The following TXNRD1 variants were observed in gnomAD, a reference collection of about 807,000 sequenced individuals.
TXNRD1 encodes the protein thioredoxin reductase 1, cytoplasmic.
In TXNRD1, 57 loss-of-function variants were observed where a neutral mutation model predicts 80.3. The ratio of observed to expected loss-of-function variants is 0.71; its 90% CI spans 0.57 to 0.89. TXNRD1 has a LOEUF of 0.89. Ranked by LOEUF, TXNRD1 falls within the 40% of genes least tolerant of loss-of-function variation. TXNRD1 has a pLI of 0.00. For synonymous variants in TXNRD1, 291 were observed against 285.2 expected, an observed-to-expected ratio of 1.02 and a Z score of -0.20; for missense variants, 730 against 803.0, an observed-to-expected ratio of 0.91 and a Z score of 1.10.
chr12:104,337,993 C>T (rs2036195886), intron 15 of TXNRD1, among the ~76,000 whole-genome samples: 1 of 143,126 alleles, frequency 7.0e-6, no homozygotes. Flanking sequence ...GACAGAGTCT[C>T]CCTATGTTGC....
chr12:104,226,015 CA>C (rs1451409205), intron 1 of TXNRD1, among the ~76,000 whole-genome samples: 1 of 152,054 alleles, frequency 6.6e-6, no homozygotes, highest in Non-Finnish European at 1.5e-5. Context: ...GCCTGACCAA[CA>C]TGGAGAAACC....
intron 3 of TXNRD1, chr12:104,283,003 C>CT (rs1223862280): frequency 6.6e-6 from 1 of 152,022 alleles, no homozygotes; most frequent in Non-Finnish European, 1.5e-5. Flanking sequence ...GGTCGGGAGG[C>CT]TTTTTTAAAA....
At chr12:104,328,933 G>C (rs543721915) in intron 13 of TXNRD1, among the ~76,000 whole-genome samples, 1 of 152,106 alleles carries the variant, frequency 6.6e-6, no homozygotes, top group East Asian at 1.9e-4. Context: ...TTTTTAAAAA[G>C]GTTTCCAGAA....
At chr12:104,345,970 A>T in intron 16 of TXNRD1, 1 of 1,288,882 alleles carries the variant, frequency 7.8e-7, no homozygotes, top group Non-Finnish European at 1.0e-6. Flanking sequence ...TTTTATAAAA[A>T]TTCTAAAACA....
intron 4 of TXNRD1, among the ~76,000 whole-genome samples, chr12:104,299,219 G>T (rs2034532748): frequency 6.6e-6 from 1 of 152,112 alleles, no homozygotes; most frequent in South Asian, 2.1e-4. Context: ...AGGGTCAACT[G>T]CAGTAGTATT....
chr12:104,252,662 T>TATATATATATATATATATATATATATATA (rs756948232), intron 2 of TXNRD1, among the ~76,000 whole-genome samples: 4 of 45,820 alleles, frequency 8.7e-5, no homozygotes, highest in African/African-American at 2.6e-4. Context: ...TTATTATTTT[T>TATATATATATATATATATATATATATATA]TATATATATA....
intron 15 of TXNRD1, among the ~76,000 whole-genome samples, chr12:104,334,921 A>G (rs749045903): frequency 7.9e-5 from 12 of 152,308 alleles, no homozygotes; most frequent in Non-Finnish European, 1.5e-4. Context: ...AAGAGGAACA[A>G]TAAAGTCATC....
chr12:104,279,487 G>A (rs886610403), intron 3 of TXNRD1, among the ~76,000 whole-genome samples: 1 of 152,162 alleles, frequency 6.6e-6, no homozygotes, highest in African/African-American at 2.4e-5. Context: ...TGGGGATTGA[G>A]GAGAAGTTTG....
intron 3 of TXNRD1, among the ~76,000 whole-genome samples, chr12:104,267,865 T>C (rs1382928753): frequency 2.0e-5 from 3 of 149,642 alleles, no homozygotes; most frequent in Non-Finnish European, 4.4e-5. Flanking sequence ...CTTTTTTTTT[T>C]TGAGACTGAG....
intron 14 of TXNRD1, among the ~76,000 whole-genome samples, chr12:104,331,887 C>G (rs1222552632): frequency 6.6e-6 from 1 of 151,868 alleles, no homozygotes; most frequent in Non-Finnish European, 1.5e-5. Context: ...CCCCTAAATA[C>G]TTTATTGTGT....
intron 12 of TXNRD1, among the ~76,000 whole-genome samples, chr12:104,327,033 C>G (rs1174131426): frequency 6.6e-6 from 1 of 151,664 alleles, no homozygotes; most frequent in African/African-American, 2.4e-5. Flanking sequence ...ATCTTTTGGC[C>G]TCTAGTGATC....
In TXNRD1 at chr12:104,265,573, G is replaced by T. The variant is rs1021175719; in HGVS notation, c.304+7494G>T. On this transcript the variant is annotated intron_variant, in intron 3 of 16. Transcript: ENST00000525566. ...CTGGCTGCGCTATGACTCCCGGAGC[G>T]GCACCCACAACATGTACCGGGAATA... The T allele has an allele frequency of 1.8e-5, 29 of 1,608,084 alleles. No individual in the cohort carries two copies. The East Asian group carries it at 6.2e-4, about 35-fold the overall frequency.
chr12:104,241,188 C>T (rs773998928), intron 1 of TXNRD1, among the ~76,000 whole-genome samples: 2 of 150,052 alleles, frequency 1.3e-5, no homozygotes, highest in Non-Finnish European at 3.0e-5. Flanking sequence ...TACGGGCTCA[C>T]GCCAACATGC....
intron 3 of TXNRD1, among the ~76,000 whole-genome samples, chr12:104,281,920 C>T (rs2135735923): frequency 6.6e-6 from 1 of 152,262 alleles, no homozygotes; most frequent in South Asian, 2.1e-4. Flanking sequence ...TTTTCTCACT[C>T]ATTAGGCTTT....
intron 11 of TXNRD1, 25 bp downstream of exon 11, chr12:104,325,454 C>G (rs773346125): frequency 1.3e-6 from 2 of 1,540,790 alleles, no homozygotes; most frequent in Admixed American, 1.7e-5. Flanking sequence ...CAGGTTAATA[C>G]TTTATCAGAA....
intron 3 of TXNRD1, among the ~76,000 whole-genome samples, chr12:104,272,197 A>G: frequency 6.6e-6 from 1 of 152,222 alleles, no homozygotes; most frequent in South Asian, 2.1e-4. Context: ...AATGGTGAGC[A>G]CACACTTCGA....
intron 1 of TXNRD1, among the ~76,000 whole-genome samples, chr12:104,246,651 T>C (rs1247416616): frequency 2.0e-5 from 3 of 150,970 alleles, no homozygotes; most frequent in Admixed American, 6.6e-5. Context: ...GCCTCCTGAG[T>C]AGCTGGGATT....
rs987328686 is a variant in TXNRD1 at position 104,265,590 on chromosome 12, C to T, written c.304+7511C>T. ...CCCGGAGCGGCACCCACAACATGTA[C>T]CGGGAATACCGGGACCTGACCACCG... On this transcript the variant is annotated intron_variant, in intron 3 of 16. Coordinates refer to ENST00000525566, the MANE Select transcript of TXNRD1 (RefSeq NM_001093771.3). 1.5e-3 allele frequency: 2,369 copies of T among 1,607,474 alleles called. 4 individuals are homozygous for T. The highest frequency in any genetic ancestry group is 1.9e-3 in the Non-Finnish European group (2,284 of 1,179,716).
chr12:104,260,102 G>A (rs2033334116), intron 3 of TXNRD1, among the ~76,000 whole-genome samples: 1 of 152,220 alleles, frequency 6.6e-6, no homozygotes, highest in Non-Finnish European at 1.5e-5. Flanking sequence ...GGGAGGTGGA[G>A]GTGGGAGGAT....
Sources: allele counts gnomAD v4.1 joint callset (sites outside exome capture counted in the v4.1 genomes callset), GRCh38; gene constraint gnomAD v4.1.1; transcripts MANE v1.5; gene names NCBI Gene and HGNC (gene_info 2026-07-23, HGNC 2026-07-21).